CCDC171: variants seen among roughly 807,000 people sequenced by gnomAD.
The protein encoded by CCDC171 is coiled-coil domain-containing protein 171.
A neutral mutation model predicts 168.2 loss-of-function variants in CCDC171; 177 were observed. That is an observed-to-expected ratio of 1.05 (90% CI 0.93 to 1.19). The LOEUF (loss-of-function observed/expected upper bound fraction) is 1.19. Among genes scored for constraint, CCDC171 ranks in the 50% most tolerant of loss-of-function variants. The pLI, the probability that CCDC171 is intolerant of heterozygous loss-of-function variation, is 0.00. For synonymous variants in CCDC171, 687 were observed against 540.8 expected (o/e 1.27, Z -3.75); for missense variants, 1,991 against 1,539.0 (o/e 1.29, Z -4.91).
In CCDC171 at chr9:15,972,000, A is replaced by C; in HGVS notation, c.*164A>C. 1 of 549,656 alleles carries C rather than the reference A, an allele frequency of 1.8e-6. No individual in the cohort carries two copies. The highest frequency in any genetic ancestry group is 3.0e-5 in the South Asian group (1 of 33,556). 34.0% of individuals were successfully genotyped at this position (549,656 alleles called of 1,614,324 possible). On this transcript the variant is annotated 3_prime_UTR_variant, in exon 26 of 26. Transcript: ENST00000380701. ...TCTGGTAGCTCTGTCTCCTTGAATAAGGAAATAGCCAACTTTTTTCTCTCC... is the reference window on the plus strand; with the variant it reads ...TCTGGTAGCTCTGTCTCCTTGAATACGGAAATAGCCAACTTTTTTCTCTCC...
chr9:15,836,008 G>T (rs1167024568), intron 21 of CCDC171, among the ~76,000 whole-genome samples: 1 of 151,808 alleles, frequency 6.6e-6, no homozygotes, highest in Non-Finnish European at 1.5e-5. Context: ...ACTCACCTAA[G>T]TCTCAGATGA....
chr9:15,896,999 C>G (rs370114447), intron 24 of CCDC171, among the ~76,000 whole-genome samples: 3 of 152,022 alleles, frequency 2.0e-5, no homozygotes, highest in Non-Finnish European at 4.4e-5. Flanking sequence ...AAGATGAAAG[C>G]CTTCCCCATC....
At chr9:15,774,517 C>G (rs1564381660) in intron 18 of CCDC171, among the ~76,000 whole-genome samples, 1 of 152,098 alleles carries the variant, frequency 6.6e-6, no homozygotes, top group Non-Finnish European at 1.5e-5. Flanking sequence ...GGAATGTAAA[C>G]TAGTACAACC....
intron 6 of CCDC171, among the ~76,000 whole-genome samples, chr9:15,615,903 C>G (rs2044046838): frequency 2.0e-5 from 3 of 151,940 alleles, no homozygotes; most frequent in Non-Finnish European, 4.4e-5. Flanking sequence ...CTCAGCCCTC[C>G]AAGTACTGGG....
rs1421376209 is a variant in CCDC171 at position 15,966,815 on chromosome 9, A to T, written c.3754-4794A>T. 2.0e-5 allele frequency among the ~76,000 whole-genome samples: 3 copies of T among 152,284 alleles called. No individual in the cohort carries two copies. In the East Asian group the frequency reaches 5.8e-4, roughly 29 times the overall value. On this transcript the variant is annotated intron_variant, in intron 25 of 25. Transcript: ENST00000380701. ...CATAAAATATTCCTACCAGCTTGTT[A>T]TTGGTAGCTAAAAGTTAGAACTGGT... is the stretch of plus-strand genomic sequence containing the variant.
At chr9:16,032,273 C>G (rs1227782267) in intron 6 of CCDC171, among the ~76,000 whole-genome samples, 2 of 152,004 alleles carry the variant, frequency 1.3e-5, no homozygotes, top group Admixed American at 6.6e-5. Context: ...GAATGAGACA[C>G]CAAGGTTTAT....
At position 15,917,694 on chromosome 9, in the gene CCDC171, G is replaced by A. The variant is rs557100853; in HGVS notation, c.3601-2576G>A. The stretch of plus-strand genomic sequence containing the variant: ...GTCATAAAGATGAAATTCATAAAAT[G>A]TGTTTCTCCAAGGTTAGAAAATGGG... On this transcript the variant is annotated intron_variant, in intron 24 of 25. Coordinates refer to ENST00000380701, the MANE Select transcript of CCDC171 (RefSeq NM_173550.4). Among the ~76,000 whole-genome samples, 22 of 151,698 alleles carry A rather than the reference G, an allele frequency of 1.5e-4. No individual in the cohort carries two copies. In the East Asian group the frequency reaches 3.5e-3, roughly 24 times the overall value.
chr9:15,900,424 T>A (rs1248834932), intron 24 of CCDC171, among the ~76,000 whole-genome samples: 1 of 152,210 alleles, frequency 6.6e-6, no homozygotes, highest in African/African-American at 2.4e-5. Flanking sequence ...AAGTGAATTC[T>A]GCCAACTTGA....
chr9:15,696,580 T>C lies in CCDC171; in HGVS notation c.1318+1243T>C, dbSNP rs114538808. Among the ~76,000 whole-genome samples the C allele has an allele frequency of 5.4e-3, 822 of 152,346 alleles. 10 individuals carry two copies. The highest frequency in any genetic ancestry group is 0.018 in the African/African-American group (755 of 41,580). ...CCTTTGCACTGGTACTTTTTTATTA[T>C]TGAGATGTATCAGTGGTGTTTAATG... On this transcript the variant is annotated intron_variant, in intron 11 of 25. Transcript: ENST00000380701.
intron 1 of CCDC171, among the ~76,000 whole-genome samples, chr9:16,045,292 C>G (rs971225241): frequency 1.3e-5 from 2 of 152,182 alleles, no homozygotes; most frequent in Non-Finnish European, 2.9e-5. Flanking sequence ...CAAAGGGAAC[C>G]TCGTCAAGGT....
rs750704209 is a variant in CCDC171, at chr9:15,983,509, TGTGA to T, written n.369-37078_369-37075del. Reference sequence around the variant, plus strand: ...GTGTGTGTGTGTGTGTGTGTGTGTGTGTGAGAGAGAGAGAATCTCTGAAGCATAT... The same window carrying T: ...GTGTGTGTGTGTGTGTGTGTGTGTGTGAGAGAGAGAATCTCTGAAGCATAT... On this transcript the variant is annotated intron_variant and non_coding_transcript_variant, in intron 3 of 9. Coordinates refer to the CCDC171 transcript ENST00000486641. Among the ~76,000 whole-genome samples, 174 of 133,174 alleles carry T rather than the reference TGTGA, an allele frequency of 1.3e-3. 1 individual carries two copies. Among genetic ancestry groups the T allele is most frequent in the African/African-American group, 4.2e-3 (161 of 38,130 alleles). The allele number at this position is 133,174 out of a possible 152,430, so 87.4% of individuals were successfully genotyped here.
rs2060915822 is a variant in CCDC171, at chr9:15,846,812, C to T, written c.3378C>T (p.Ile1126=). The T allele has an allele frequency of 2.5e-6, 4 of 1,610,336 alleles. No homozygotes were observed. In the East Asian group the frequency reaches 6.7e-5, roughly 27 times the overall value. ...ACAAGCGTCGACTGGAGGAGAACAT[C>T]CATGATGCAGAGAGTGCCCTCCGCA... is the stretch of plus-strand genomic sequence containing the variant. ...EQDKRRLEEN[I]HDAESALRMA... The change falls in exon 22 of 26, where the codon ATC becomes ATT. Residue 1126 remains isoleucine (I), a synonymous_variant. Transcript: ENST00000380701.
chr9:15,959,679 C>G (rs1830155866), intron 25 of CCDC171, among the ~76,000 whole-genome samples: 1 of 152,062 alleles, frequency 6.6e-6, no homozygotes, highest in Admixed American at 6.6e-5. Flanking sequence ...GAGAGTTAAT[C>G]TGAATGAGGG....
chr9:15,849,519 C>G (rs75967826), intron 23 of CCDC171, among the ~76,000 whole-genome samples: 2,896 of 151,430 alleles, frequency 0.019, 108 homozygotes, highest in African/African-American at 0.066. Flanking sequence ...TAGTGATGAA[C>G]AGCATAATAA....
At chr9:15,567,898 C>A (rs2039880358) in intron 2 of CCDC171, among the ~76,000 whole-genome samples, 1 of 152,088 alleles carries the variant, frequency 6.6e-6, no homozygotes, top group South Asian at 2.1e-4. Context: ...AAGTGATCCT[C>A]CTGCCTTGGC....
chr9:15,746,236 A>G (rs929344245), intron 18 of CCDC171, among the ~76,000 whole-genome samples: 15 of 152,208 alleles, frequency 9.9e-5, no homozygotes, highest in African/African-American at 3.4e-4. Flanking sequence ...GTCATTTCAG[A>G]CACATTAATT....
chr9:15,652,745 A>G (rs1308868660), intron 7 of CCDC171, among the ~76,000 whole-genome samples: 2 of 152,106 alleles, frequency 1.3e-5, no homozygotes, highest in Non-Finnish European at 2.9e-5. Context: ...TCAGCTGATC[A>G]CTGTAGCTTT....
chr9:16,101,490 C>T, the CCDC171 span, among the ~76,000 whole-genome samples: 25 of 152,276 alleles, frequency 1.6e-4, 1 homozygote, highest in East Asian at 4.8e-3. Context: ...CAACATCACT[C>T]CTGTGATTAT....
intron 21 of CCDC171, among the ~76,000 whole-genome samples, chr9:15,844,834 T>C (rs2060829124): frequency 6.6e-6 from 1 of 152,150 alleles, no homozygotes; most frequent in Middle Eastern, 3.4e-3. Context: ...CAAGTGTGGG[T>C]TTATGATAAT....
Sources: allele counts gnomAD v4.1 joint callset (sites outside exome capture counted in the v4.1 genomes callset), GRCh38; gene constraint gnomAD v4.1.1; transcripts MANE v1.5; gene names NCBI Gene and HGNC (gene_info 2026-07-23, HGNC 2026-07-21).